Variants in GRID2IP observed in about 807,000 individuals in gnomAD.
GRID2IP encodes Grid2 interacting protein, also known as delphilin.
A neutral mutation model predicts 114.3 loss-of-function variants in GRID2IP; 78 were observed. The observed-to-expected ratio is 0.68, with a 90% CI of 0.57 to 0.82. The LOEUF (loss-of-function observed/expected upper bound fraction) is 0.82. Among genes scored for constraint, GRID2IP ranks in the 40% least tolerant of loss-of-function variants. The probability of loss-of-function intolerance (pLI) is 0.00; values close to 1 mark genes in which losing one functional copy is unlikely to be tolerated. For missense variants in GRID2IP, 1,727 were observed against 1,678.5 expected (o/e 1.03, Z -0.51); for synonymous variants, 809 against 724.0 (o/e 1.12, Z -1.89).
chr7:6,500,991 GCTT>G (rs1786398367), intron 20 of GRID2IP, among the ~76,000 whole-genome samples: 2 of 152,220 alleles, frequency 1.3e-5, no homozygotes, highest in Admixed American at 1.3e-4. Context: ...TGGTACAGTG[GCTT>G]TGGGGCACTC....
Position 6,503,105 on chromosome 7 carries a change from A to C in GRID2IP, c.2966T>G (p.Leu989Arg). The change falls in exon 17 of 22, where the codon CTC becomes CGC. Residue 989 changes from leucine to arginine, a missense_variant. By Grantham distance (102) the Leu-to-Arg change is moderately radical (BLOSUM62 -2). Coordinates refer to ENST00000457091, the MANE Select transcript of GRID2IP (RefSeq NM_001145118.2). ...RLRSLHFQAT[L>R]QEKTEEIRGS... ...TCGGATCTCCTCTGTCTTCTCCTGG[A>C]GGGTGGCCTGGAAGTGGAGGCTGCG... 8.4e-6 allele frequency: 13 copies of C among 1,550,598 alleles called. No homozygotes were observed. Among genetic ancestry groups the C allele is most frequent in the Non-Finnish European group, 1.1e-5 (13 of 1,146,544 alleles).
chr7:6,503,054 G>A lies in GRID2IP; in HGVS notation c.3017C>T (p.Ala1006Val). 1 of 1,551,552 alleles carries A rather than the reference G, an allele frequency of 6.4e-7. No homozygotes were observed. Among genetic ancestry groups the A allele is most frequent in the Non-Finnish European group, 8.7e-7 (1 of 1,146,970 alleles). The change falls in exon 17 of 22, where the codon GCC becomes GTC. Residue 1006 changes from alanine (A) to valine (V), a missense_variant. By Grantham distance (64) the Ala-to-Val change is moderately conservative. Transcript: ENST00000457091. ...CCGACTGTTTTTGAGCTCCAGGGAG[G>A]CCTGGCGCAAGCATTCAAGGCTGCC... ...IRGSLECLRQ[A>V]SLELKNSRKL...
At chr7:6,505,215 G>A (rs927319498) in intron 14 of GRID2IP, among the ~76,000 whole-genome samples, 3 of 152,136 alleles carry the variant, frequency 2.0e-5, no homozygotes, top group African/African-American at 7.2e-5. Context: ...TCCTGTCTAC[G>A]GTGTGACTGA....
chr7:6,526,336 C>CA lies in GRID2IP; in HGVS notation c.834-28dup. 6.5e-7 allele frequency: 1 copy of CA among 1,545,962 alleles called. No homozygotes were observed. The highest frequency in any genetic ancestry group is 8.8e-7 in the Non-Finnish European group (1 of 1,141,996). On this transcript the variant is annotated intron_variant, in intron 3 of 21. Coordinates refer to ENST00000457091, the MANE Select transcript of GRID2IP (RefSeq NM_001145118.2). This position sits in a 1 kb window ranked among gnomAD's most constrained non-coding sequence, Gnocchi z 7.6. The stretch of plus-strand genomic sequence containing the variant: ...TGGGGGAAAAAGAAGGGGCGAGCAG[C>CA]ATGATGGAGAGGGGGCCCTGGGGCG...
rs1480866610 is a variant in GRID2IP at position 6,523,335 on chromosome 7, T to C, written c.920-1378A>G. On this transcript the variant is annotated intron_variant, in intron 4 of 21. Coordinates refer to ENST00000457091, the MANE Select transcript of GRID2IP (RefSeq NM_001145118.2). The surrounding 1 kb of genome is among the most constrained non-coding windows in gnomAD (Gnocchi z 4.5). The stretch of plus-strand genomic sequence containing the variant: ...AGAGTGATGGTGGTGGCGAATCCAA[T>C]CTGGCCTGCCTGGAATGGTGGGACA... Among the ~76,000 whole-genome samples, 2 of 152,052 alleles carry C rather than the reference T, an allele frequency of 1.3e-5. No individual in the cohort carries two copies. The highest frequency in any genetic ancestry group is 2.4e-5 in the African/African-American group (1 of 41,416).
intron 8 of GRID2IP, among the ~76,000 whole-genome samples, chr7:6,514,041 C>G (rs1489571183): frequency 6.6e-6 from 1 of 151,000 alleles, no homozygotes; most frequent in East Asian, 1.9e-4. Context: ...ATCATGAGGT[C>G]AGGAGATAGA....
rs776882469 is a variant in GRID2IP, at chr7:6,539,741, G to A, written c.561C>T (p.Cys187=). ...TLTLALPREA[C]GPLLDNLRIF... ...ACCTGAGGTTGTCCAGGAGTGGCCC[G>A]CAGGCCTCTCGGGGCAGCGCCAGGG... The change falls in exon 2 of 22, where the codon TGC becomes TGT. Residue 187 remains cysteine, a synonymous_variant. Coordinates refer to ENST00000457091, the MANE Select transcript of GRID2IP (RefSeq NM_001145118.2). 10 of 1,549,262 alleles carry A rather than the reference G, an allele frequency of 6.5e-6. No individual in the cohort carries two copies. Among genetic ancestry groups the A allele is most frequent in the South Asian group, 4.8e-5 (4 of 83,914 alleles).
intron 2 of GRID2IP, among the ~76,000 whole-genome samples, chr7:6,533,541 G>T (rs980497824): frequency 6.6e-6 from 1 of 150,802 alleles, no homozygotes; most frequent in Non-Finnish European, 1.5e-5. Flanking sequence ...TAATTTTTTT[G>T]TGTGTAAACA....
rs148841074 is a variant in GRID2IP at position 6,520,091 on chromosome 7, T to C, written c.1268+487A>G. On this transcript the variant is annotated intron_variant, in intron 7 of 21. Coordinates refer to ENST00000457091, the MANE Select transcript of GRID2IP (RefSeq NM_001145118.2). This position sits in a 1 kb window ranked among gnomAD's most constrained non-coding sequence, Gnocchi z 4.6. ...GAGTTTGAGACCAGCCTGACCAACA[T>C]AGTGAAACCCTGTCTCTAGTAAAAC... 9.9e-3 allele frequency among the ~76,000 whole-genome samples: 1,507 copies of C among 152,046 alleles called. 32 individuals carry two copies. Among genetic ancestry groups the C allele is most frequent in the African/African-American group, 0.034 (1,412 of 41,492 alleles).
At chr7:6,503,239 GA>G in intron 16 of GRID2IP, 76 bp from the exon 17 acceptor site, 3 of 891,054 alleles carry the variant, frequency 3.4e-6, no homozygotes, top group Non-Finnish European at 5.0e-6. Flanking sequence ...TTTGGGGTGG[GA>G]GGGGGGGATC....
intron 1 of GRID2IP, among the ~76,000 whole-genome samples, chr7:6,546,897 A>G (rs1328379341): frequency 6.6e-6 from 1 of 152,156 alleles, no homozygotes; most frequent in East Asian, 1.9e-4. Flanking sequence ...CTTTGGCTCC[A>G]TGGCAGGTGA....
At chr7:6,528,000 T>C (rs996559804) in intron 2 of GRID2IP, among the ~76,000 whole-genome samples, 1 of 152,054 alleles carries the variant, frequency 6.6e-6, no homozygotes, top group Non-Finnish European at 1.5e-5. Context: ...TCAGGTGATC[T>C]GCCCGCCTCG....
intron 14 of GRID2IP, 44 bp downstream of exon 14, chr7:6,505,776 T>C: frequency 7.9e-7 from 1 of 1,266,674 alleles, no homozygotes; most frequent in Non-Finnish European, 1.1e-6. Flanking sequence ...CTGCCACAGA[T>C]GGTGTGGTAT....
At chr7:6,527,578 T>C (rs905130912) in intron 2 of GRID2IP, among the ~76,000 whole-genome samples, 27 of 152,142 alleles carry the variant, frequency 1.8e-4, no homozygotes, top group Non-Finnish European at 8.8e-5. Flanking sequence ...AGAAACTCTC[T>C]CTCTTTCTCT....
chr7:6,510,894 G>T lies in GRID2IP; in HGVS notation c.1555+14C>A. ...TGAGCTCCATTCATACCCTCCCCCT[G>T]ACACCAGCCTTACCGCAGCTGAGGC... On this transcript the variant is annotated intron_variant, in intron 9 of 21. Coordinates refer to ENST00000457091, the MANE Select transcript of GRID2IP (RefSeq NM_001145118.2). The T allele has an allele frequency of 1.3e-6, 2 of 1,549,702 alleles. No homozygotes were observed. The highest frequency in any genetic ancestry group is 2.4e-5 in the South Asian group (2 of 83,988).
intron 7 of GRID2IP, among the ~76,000 whole-genome samples, chr7:6,518,666 G>A (rs1370479395): frequency 6.6e-6 from 1 of 151,960 alleles, no homozygotes; most frequent in East Asian, 1.9e-4. Flanking sequence ...AACCCAGGAG[G>A]GGGAGGTTGC....
Position 6,534,541 on chromosome 7 carries a change from G to A in GRID2IP, c.584+5177C>T, listed in dbSNP as rs940688372. Among the ~76,000 whole-genome samples the A allele has an allele frequency of 1.3e-5, 2 of 152,144 alleles. No individual in the cohort carries two copies. Among genetic ancestry groups the A allele is most frequent in the East Asian group, 3.8e-4 (2 of 5,202 alleles). On this transcript the variant is annotated intron_variant, in intron 2 of 21. Coordinates refer to ENST00000457091, the MANE Select transcript of GRID2IP (RefSeq NM_001145118.2). The surrounding 1 kb of genome is among the most constrained non-coding windows in gnomAD (Gnocchi z 4.5). ...CCACGGACCCATCTCACCCTTTACA[G>A]CAGCAGCGCTGTCCAAGGGAACGTT...
At position 6,506,024 on chromosome 7, in the gene GRID2IP, G is replaced by T; in HGVS notation, c.2545-117C>A. 3.0e-6 allele frequency: 2 copies of T among 676,640 alleles called. No individual in the cohort carries two copies. Among genetic ancestry groups the T allele is most frequent in the East Asian group, 2.7e-5 (1 of 36,954 alleles). 41.9% of individuals were successfully genotyped at this position (676,640 alleles called of 1,614,324 possible). ...CTTCCCGAGCAAAAGCACCCATCAG[G>T]TGCTGGGATAAAGCCCGGAGCAGGA... On this transcript the variant is annotated intron_variant, in intron 13 of 21. Transcript: ENST00000457091. The surrounding 1 kb of genome is among the most constrained non-coding windows in gnomAD (Gnocchi z 5.2).
In GRID2IP at chr7:6,511,020, C is replaced by T; in HGVS notation, c.1443G>A (p.Leu481=). The change falls in exon 9 of 22, where the codon CTG becomes CTA. Residue 481 remains leucine, a synonymous_variant. Transcript: ENST00000457091. Reference sequence around the variant, plus strand: ...CAGGCGTGGGCTCGGACTCCAGGTCCAGCTCAGGCTCCGGCTCTGCTGTGG... The same window carrying T: ...CAGGCGTGGGCTCGGACTCCAGGTCTAGCTCAGGCTCCGGCTCTGCTGTGG... ...TAMTAEPEPE[L]DLESEPTPEP... The T allele has an allele frequency of 4.0e-6, 6 of 1,483,034 alleles. No homozygotes were observed. Among genetic ancestry groups the T allele is most frequent in the Non-Finnish European group, 5.4e-6 (6 of 1,115,564 alleles). The allele number at this position is 1,483,034 out of a possible 1,614,324, so 91.9% of individuals were successfully genotyped here.
Sources: gnomAD v4.1 joint callset for allele counts (sites outside exome capture counted in the v4.1 genomes callset) on GRCh38, gnomAD v4.1.1 for gene constraint, Gnocchi (gnomAD v3.1) non-coding constraint, MANE v1.5 for transcripts, NCBI Gene and HGNC (gene_info 2026-07-23, HGNC 2026-07-21) for gene names.